Variants in COL21A1 observed in about 807,000 individuals in gnomAD.
COL21A1 encodes collagen type XXI alpha 1 chain, also known as collagen alpha-1(XXI) chain.
In COL21A1, 149 loss-of-function variants were observed where a neutral mutation model predicts 137.9. The observed-to-expected ratio is 1.08, with a 90% CI of 0.95 to 1.24. The LOEUF is 1.24. Ranked by LOEUF, COL21A1 falls within the 50% of genes most tolerant of loss-of-function variation. COL21A1 has a pLI of 0.00. For missense variants in COL21A1, 1,167 were observed against 1,158.4 expected (o/e 1.01, Z -0.11); for synonymous variants, 456 against 391.5 (o/e 1.16, Z -1.95).
intron 1 of COL21A1, among the ~76,000 whole-genome samples, chr6:56,289,304 A>G (rs13198069): frequency 0.27 from 41,099 of 152,154 alleles, 6,818 homozygotes; most frequent in Non-Finnish European, 0.38. Flanking sequence ...GTGACGCCAG[A>G]GTTCCTTCCA....
At chr6:56,076,944 C>T (rs1309038254) in intron 18 of COL21A1, among the ~76,000 whole-genome samples, 3 of 151,124 alleles carry the variant, frequency 2.0e-5, no homozygotes, top group Non-Finnish European at 4.4e-5. Flanking sequence ...ATTTGAAGAA[C>T]ACTAAAAACA....
intron 1 of COL21A1, among the ~76,000 whole-genome samples, chr6:56,365,353 G>T (rs566090223): frequency 6.6e-6 from 1 of 152,202 alleles, no homozygotes; most frequent in Admixed American, 6.5e-5. Flanking sequence ...GGCTAGACAA[G>T]GAAGAAAAGC....
Position 56,093,803 on chromosome 6 carries a change from T to A in COL21A1, c.1812+7669A>T, listed in dbSNP as rs571010874. ...CTGCTGATATAACATTATCAAAACC[T>A]TGTAAGTTTCCTGTATATATAATGA... is the stretch of plus-strand genomic sequence containing the variant. On this transcript the variant is annotated intron_variant, in intron 17 of 29. Transcript: ENST00000244728. 2.6e-5 allele frequency among the ~76,000 whole-genome samples: 4 copies of A among 152,270 alleles called. No individual in the cohort carries two copies. The East Asian group carries it at 5.8e-4, about 22-fold the overall frequency.
At chr6:56,251,310 C>T (rs1303594480), upstream of COL21A1, among the ~76,000 whole-genome samples, 1 of 152,168 alleles carries the variant, frequency 6.6e-6, no homozygotes, top group Non-Finnish European at 1.5e-5. Flanking sequence ...TATATTTAAT[C>T]AATCTACCAC....
In COL21A1 at chr6:56,097,756, TATATATATAA is replaced by T. The variant is rs1199867390; in HGVS notation, c.1812+3706_1812+3715del. On this transcript the variant is annotated intron_variant, in intron 17 of 29. Coordinates refer to ENST00000244728, the MANE Select transcript of COL21A1 (RefSeq NM_030820.4). The stretch of plus-strand genomic sequence containing the variant: ...AGCACTCCTCATTTTATATTTTTTA[TATATATATAA>T]ATATATATAAATATATAAAAATATA... 2.8e-4 allele frequency among the ~76,000 whole-genome samples: 36 copies of T among 127,146 alleles called. 1 individual carries two copies. The highest frequency in any genetic ancestry group is 1.9e-3 in the East Asian group (9 of 4,850). 83.4% of individuals were successfully genotyped at this position (127,146 alleles called of 152,430 possible). A position where few individuals can be genotyped will look rare whatever the true frequency, so the allele number is the denominator to read the frequency against.
chr6:56,212,183 C>T (rs141337794), intron 1 of COL21A1, among the ~76,000 whole-genome samples: 1 of 152,026 alleles, frequency 6.6e-6, no homozygotes, highest in African/African-American at 2.4e-5. Context: ...CATTATGGTT[C>T]TTGGAGCCTT....
At chr6:56,195,528 C>T (rs988840648) in intron 1 of COL21A1, among the ~76,000 whole-genome samples, 2 of 151,802 alleles carry the variant, frequency 1.3e-5, no homozygotes, top group Non-Finnish European at 2.9e-5. Flanking sequence ...AGAGAGACAA[C>T]TTGAATAAAT....
At chr6:56,343,151 G>C (rs143758136) in intron 1 of COL21A1, among the ~76,000 whole-genome samples, 1 of 152,138 alleles carries the variant, frequency 6.6e-6, no homozygotes, top group South Asian at 2.1e-4. Flanking sequence ...TTAGAGGAAA[G>C]ATTTCCTTTA....
chr6:56,126,004 A>G, intron 13 of COL21A1, 92 bp downstream of exon 13: 2 of 706,328 alleles, frequency 2.8e-6, no homozygotes, highest in Non-Finnish European at 4.7e-6. Context: ...ATATATGAAC[A>G]TTTATTTATA....
At chr6:56,145,010 TTC>T (rs1774727231) in intron 10 of COL21A1, among the ~76,000 whole-genome samples, 1 of 152,222 alleles carries the variant, frequency 6.6e-6, no homozygotes, top group Non-Finnish European at 1.5e-5. Flanking sequence ...AAATGTGCGT[TTC>T]TTTCTTTTCT....
At chr6:56,126,263 C>T (rs1336719463) in intron 12 of COL21A1, 114 bp from the exon 13 acceptor site, 3 of 649,038 alleles carry the variant, frequency 4.6e-6, no homozygotes, top group Admixed American at 3.2e-5. Flanking sequence ...TATCTGCAAA[C>T]AGTTAATTTC....
chr6:56,096,965 A>G (rs1267202265), intron 17 of COL21A1, among the ~76,000 whole-genome samples: 1 of 152,122 alleles, frequency 6.6e-6, no homozygotes, highest in Admixed American at 6.6e-5. Context: ...TCCACAAATG[A>G]TAAGAATCCA....
intron 17 of COL21A1, among the ~76,000 whole-genome samples, chr6:56,083,104 T>C (rs1767935048): frequency 6.6e-6 from 1 of 152,018 alleles, no homozygotes; most frequent in Non-Finnish European, 1.5e-5. Context: ...ATCTTACAGT[T>C]CTGTGGGTCA....
chr6:56,148,034 T>A (rs1315621474), intron 10 of COL21A1, among the ~76,000 whole-genome samples: 4 of 152,142 alleles, frequency 2.6e-5, no homozygotes, highest in Admixed American at 1.3e-4. Flanking sequence ...TCTGAATGAA[T>A]TCCAGTTCCT....
At chr6:56,099,056 T>C (rs548722475) in intron 17 of COL21A1, among the ~76,000 whole-genome samples, 1 of 151,388 alleles carries the variant, frequency 6.6e-6, no homozygotes, top group African/African-American at 2.4e-5. Flanking sequence ...TTTATGAAGA[T>C]ATTTCAATAG....
chr6:56,323,483 G>A (rs1490001752), intron 1 of COL21A1, among the ~76,000 whole-genome samples: 6 of 152,104 alleles, frequency 3.9e-5, no homozygotes, highest in African/African-American at 7.2e-5. Flanking sequence ...TCTGCTTCCC[G>A]GATTCAAGCC....
intron 1 of COL21A1, among the ~76,000 whole-genome samples, chr6:56,277,389 G>T (rs1582751416): frequency 6.6e-6 from 1 of 152,270 alleles, no homozygotes; most frequent in Non-Finnish European, 1.5e-5. Flanking sequence ...GTGAGAATAT[G>T]TGGTGTTTTG....
chr6:56,388,773 A>C (rs186913009), intron 1 of COL21A1, among the ~76,000 whole-genome samples: 16 of 152,360 alleles, frequency 1.1e-4, no homozygotes, highest in Admixed American at 3.3e-4. Context: ...AAAATTTGAC[A>C]TCAGAAAACA....
intron 1 of COL21A1, among the ~76,000 whole-genome samples, chr6:56,361,322 AAAG>A (rs1368807909): frequency 3.9e-5 from 6 of 152,290 alleles, no homozygotes; most frequent in African/African-American, 1.4e-4. Flanking sequence ...CCGTCTCATA[AAAG>A]AATAACCAGG....
Sources: allele counts gnomAD v4.1 joint callset (sites outside exome capture counted in the v4.1 genomes callset), GRCh38; gene constraint gnomAD v4.1.1; transcripts MANE v1.5; gene names NCBI Gene and HGNC (gene_info 2026-07-23, HGNC 2026-07-21).